Variants in C3orf49 observed in about 807,000 individuals in gnomAD.
The protein encoded by C3orf49 is putative uncharacterized protein C3orf49.
In C3orf49, 27 loss-of-function variants were observed where a neutral mutation model predicts 13.3. The ratio of observed to expected loss-of-function variants is 2.02; its 90% CI spans 1.49 to 2.79. The LOEUF (loss-of-function observed/expected upper bound fraction) is 2.79, where lower values mean the gene tolerates loss of function less well. Ranked by LOEUF, C3orf49 falls within the 30% of genes most tolerant of loss-of-function variation. The probability of loss-of-function intolerance (pLI) is 0.00; values close to 1 mark genes in which losing one functional copy is unlikely to be tolerated. For missense variants in C3orf49, 242 were observed against 134.2 expected (o/e 1.80, Z -3.97); for synonymous variants, 87 against 47.6 (o/e 1.83, Z -3.40).
At chr3:63,793,254 A>G in the C3orf49 span, among the ~76,000 whole-genome samples, 1 of 152,146 alleles carries the variant, frequency 6.6e-6, no homozygotes, top group Non-Finnish European at 1.5e-5. Flanking sequence ...TGCCACCTTT[A>G]AGCAACCACC....
the C3orf49 span, among the ~76,000 whole-genome samples, chr3:63,806,803 A>G: frequency 6.6e-6 from 1 of 152,144 alleles, no homozygotes; most frequent in African/African-American, 2.4e-5. Context: ...ACTCTGCTTC[A>G]GTATTCCTTC....
At chr3:63,834,034 C>A in intron 5 of C3orf49, 4 of 1,234,838 alleles carry the variant, frequency 3.2e-6, no homozygotes, top group South Asian at 1.4e-5. Context: ...TATTTTACTG[C>A]CAAAACTTTA....
upstream of C3orf49, among the ~76,000 whole-genome samples, chr3:63,815,968 T>C (rs2107086240): frequency 6.6e-6 from 1 of 151,688 alleles, no homozygotes; most frequent in South Asian, 2.1e-4. Flanking sequence ...CTATTTTTAG[T>C]AGAGACGGGG....
At chr3:63,843,764 G>T (rs1164347509) in intron 5 of C3orf49, among the ~76,000 whole-genome samples, 3 of 152,108 alleles carry the variant, frequency 2.0e-5, no homozygotes, top group Admixed American at 1.3e-4. Context: ...AGCCAGGCAT[G>T]GTGGCTGGTG....
the C3orf49 span, among the ~76,000 whole-genome samples, chr3:63,801,076 C>T: frequency 0.013 from 1,917 of 152,000 alleles, 25 homozygotes; most frequent in African/African-American, 0.042. Flanking sequence ...AGGAGTTTAC[C>T]GTCTGCCCTG....
the C3orf49 span, among the ~76,000 whole-genome samples, chr3:63,800,946 GGTAGCCAGGAC>G: frequency 6.6e-6 from 1 of 152,088 alleles, no homozygotes; most frequent in Non-Finnish European, 1.5e-5. Context: ...CTGCTTAGAG[GGTAGCCAGGAC>G]CTGCTCATCT....
intron 2 of C3orf49, among the ~76,000 whole-genome samples, 171 bp downstream of exon 2, chr3:63,823,740 C>T (rs1051697360): frequency 6.6e-6 from 1 of 150,448 alleles, no homozygotes; most frequent in Admixed American, 6.6e-5. Context: ...TAGCAAGATC[C>T]TCAGTTGGCT....
the C3orf49 span, among the ~76,000 whole-genome samples, chr3:63,796,511 G>A: frequency 3.3e-5 from 5 of 151,994 alleles, no homozygotes; most frequent in Admixed American, 2.6e-4. Flanking sequence ...CTATCTTTGT[G>A]GTGCCTTCCA....
At chr3:63,845,535 T>C (rs1429942191) in intron 6 of C3orf49, among the ~76,000 whole-genome samples, 4 of 152,192 alleles carry the variant, frequency 2.6e-5, no homozygotes, top group African/African-American at 9.6e-5. Flanking sequence ...CCAACGGCAG[T>C]CACAGTAAGT....
At chr3:63,835,061 A>G (rs1701601367) in intron 5 of C3orf49, 4 of 1,253,400 alleles carry the variant, frequency 3.2e-6, no homozygotes, top group African/African-American at 1.5e-5. Context: ...TTGAAGGTAT[A>G]CTGTCTCTCC....
chr3:63,842,726 A>C (rs1340981080), intron 5 of C3orf49, among the ~76,000 whole-genome samples: 1 of 152,076 alleles, frequency 6.6e-6, no homozygotes, highest in African/African-American at 2.4e-5. Flanking sequence ...GGGTGAGGGA[A>C]AAAAAAACTA....
At chr3:63,789,470 G>A in the C3orf49 span, among the ~76,000 whole-genome samples, 41 of 152,126 alleles carry the variant, frequency 2.7e-4, 1 homozygote, top group Middle Eastern at 0.01. Flanking sequence ...TTCATTTTGG[G>A]ACTATGTAGA....
At chr3:63,793,263 C>T in the C3orf49 span, among the ~76,000 whole-genome samples, 7 of 152,182 alleles carry the variant, frequency 4.6e-5, no homozygotes, top group African/African-American at 1.4e-4. Context: ...TAAGCAACCA[C>T]CAGGACATAT....
At chr3:63,809,308 A>G in the C3orf49 span, among the ~76,000 whole-genome samples, 1 of 152,236 alleles carries the variant, frequency 6.6e-6, no homozygotes, top group East Asian at 1.9e-4. Flanking sequence ...CTTCCCAGTG[A>G]GACCCATGTC....
the C3orf49 span, among the ~76,000 whole-genome samples, chr3:63,780,229 G>C: frequency 2.0e-4 from 30 of 152,258 alleles, no homozygotes; most frequent in Non-Finnish European, 3.7e-4. Context: ...CTATGAGTGA[G>C]AACATGCGCT....
At chr3:63,787,802 C>A in the C3orf49 span, among the ~76,000 whole-genome samples, 1 of 152,102 alleles carries the variant, frequency 6.6e-6, no homozygotes, top group African/African-American at 2.4e-5. Flanking sequence ...AATATTTGAG[C>A]CACAAAATAA....
chr3:63,824,450 T>C (rs1330583375), intron 2 of C3orf49, among the ~76,000 whole-genome samples: 4 of 152,142 alleles, frequency 2.6e-5, no homozygotes, highest in Non-Finnish European at 5.9e-5. Flanking sequence ...TTTAAGTCGT[T>C]TTTGCAACTA....
chr3:63,831,538 G>A, intron 4 of C3orf49, 142 bp from the exon 5 acceptor site: 2 of 628,740 alleles, frequency 3.2e-6, no homozygotes, highest in Non-Finnish European at 5.6e-6. Context: ...CATTTGCTAT[G>A]ACTTGAATTA....
chr3:63,834,154 A>G (rs200783079), intron 5 of C3orf49: 1 of 1,614,098 alleles, frequency 6.2e-7, no homozygotes. Flanking sequence ...ATCTGTTTCC[A>G]TGCTTGCTTC....
Sources: allele counts gnomAD v4.1 joint callset (sites outside exome capture counted in the v4.1 genomes callset), GRCh38; gene constraint gnomAD v4.1.1; transcripts MANE v1.5; gene names NCBI Gene and HGNC (gene_info 2026-07-23, HGNC 2026-07-21).